Variants in PRH1 observed in about 807,000 individuals in gnomAD.
PRH1 encodes proline rich protein HaeIII subfamily 1, also known as salivary acidic proline-rich phosphoprotein 1/2.
Under a neutral mutation model 7.9 loss-of-function variants are expected in PRH1, and 7 were observed. The ratio of observed to expected loss-of-function variants is 0.89; its 90% CI spans 0.50 to 1.67. The LOEUF is 1.67. PRH1 is among the 40% of genes most tolerant of loss of function. PRH1 has a pLI of 0.00. For synonymous variants in PRH1, 45 were observed against 80.8 expected (o/e 0.56, Z 2.38); for missense variants, 109 against 223.6 (o/e 0.49, Z 3.27).
intron 1 of PRH1, among the ~76,000 whole-genome samples, chr12:11,065,670 T>C (rs576542600): frequency 6.6e-6 from 1 of 152,282 alleles, no homozygotes; most frequent in East Asian, 1.9e-4. Context: ...CATTTTTTAA[T>C]GGAGAAACTA....
intron 1 of PRH1, among the ~76,000 whole-genome samples, chr12:10,985,558 T>C (rs1939569788): frequency 1.3e-5 from 2 of 152,122 alleles, no homozygotes; most frequent in South Asian, 4.1e-4. Flanking sequence ...TGAGATAATG[T>C]GTCACTTCTT....
chr12:10,893,400 T>A (rs558556016), intron 2 of PRH1, among the ~76,000 whole-genome samples: 1 of 152,380 alleles, frequency 6.6e-6, no homozygotes, highest in East Asian at 1.9e-4. Flanking sequence ...CTTGTTGTTT[T>A]TTCTTTTGTC....
At chr12:11,168,208 A>C (rs568918235) in intron 1 of PRH1, among the ~76,000 whole-genome samples, 30 of 32,604 alleles carry the variant, frequency 9.2e-4, no homozygotes, top group African/African-American at 1.4e-3. Flanking sequence ...AACGAAAGAA[A>C]GAAAGAAGAA....
At chr12:11,160,831 A>C (rs1947391397) in intron 1 of PRH1, among the ~76,000 whole-genome samples, 1 of 152,212 alleles carries the variant, frequency 6.6e-6, no homozygotes, top group Admixed American at 6.5e-5. Flanking sequence ...AGACAGGTTT[A>C]AGGGCACTTT....
At chr12:11,013,096 G>GA (rs1411349994) in intron 1 of PRH1, among the ~76,000 whole-genome samples, 1 of 152,044 alleles carries the variant, frequency 6.6e-6, no homozygotes, top group Non-Finnish European at 1.5e-5. Flanking sequence ...TGCAAAAAGT[G>GA]AAAAACCAGT....
rs199578052 is a variant in PRH1 at position 11,030,452 on chromosome 12, C to T, written c.-126+16568G>A. On this transcript the variant is annotated intron_variant, in intron 1 of 3. Transcript: ENST00000539853. The stretch of plus-strand genomic sequence containing the variant: ...TCCTTTCACCCAGTACCTCACTTGC[C>T]GCAAAACTGAAAGAAAAGTCTGCTT... 11 of 1,614,144 alleles carry T rather than the reference C, an allele frequency of 6.8e-6. No individual in the cohort carries two copies. The highest frequency in any genetic ancestry group is 1.6e-4 in the Middle Eastern group (1 of 6,084).
At chr12:11,161,404 A>T (rs1313482027) in intron 1 of PRH1, among the ~76,000 whole-genome samples, 1 of 152,236 alleles carries the variant, frequency 6.6e-6, no homozygotes, top group African/African-American at 2.4e-5. Flanking sequence ...GAAGGAACAG[A>T]TCTTGGAGAC....
In PRH1 at chr12:11,077,167, C is replaced by CAT. The variant is rs1021791303; in HGVS notation, n.124-29981_124-29980dup. The CAT allele has an allele frequency of 3.0e-4, 31 of 102,130 alleles. 9 individuals are homozygous for CAT. Among genetic ancestry groups the CAT allele is most frequent in the Non-Finnish European group, 6.2e-4 (26 of 41,730 alleles). The allele number at this position is 102,130 out of a possible 1,614,324, so 6.3% of individuals were successfully genotyped here. ...TTATACACATGCACACATATACAAC[C>CAT]ATATATATATGTAAGACTTTTATAG... On this transcript the variant is annotated intron_variant and non_coding_transcript_variant, in intron 1 of 4. Coordinates refer to the PRH1 transcript ENST00000541977.
intron 2 of PRH1, among the ~76,000 whole-genome samples, chr12:10,916,384 A>G (rs1353842253): frequency 6.6e-6 from 1 of 152,168 alleles, no homozygotes; most frequent in Non-Finnish European, 1.5e-5. Context: ...GACAAATGGG[A>G]GCTCACAGAC....
upstream of PRH1, among the ~76,000 whole-genome samples, chr12:11,049,463 ATATTCT>A (rs1454504550): frequency 9.9e-6 from 1 of 101,072 alleles, no homozygotes; most frequent in Non-Finnish European, 2.4e-5. Flanking sequence ...GAAATAGAAA[ATATTCT>A]TATTCTCAAA....
At chr12:10,912,525 C>G (rs1433814756) in intron 2 of PRH1, among the ~76,000 whole-genome samples, 1 of 151,808 alleles carries the variant, frequency 6.6e-6, no homozygotes, top group Non-Finnish European at 1.5e-5. Context: ...CTATTCAAGT[C>G]TGTCTTGGTC....
intron 1 of PRH1, chr12:11,061,662 G>A (rs1943609752): frequency 3.7e-6 from 6 of 1,614,114 alleles, no homozygotes; most frequent in Non-Finnish European, 5.1e-6. Flanking sequence ...CTTTGCCATG[G>A]AGCTGCATCT....
intron 2 of PRH1, among the ~76,000 whole-genome samples, chr12:10,903,446 A>C (rs1326703564): frequency 1.3e-5 from 2 of 152,126 alleles, no homozygotes; most frequent in Non-Finnish European, 2.9e-5. Context: ...GATTGGACAG[A>C]TCATTGAGGC....
intron 1 of PRH1, among the ~76,000 whole-genome samples, chr12:11,104,834 T>C (rs1038080855): frequency 3.3e-5 from 5 of 152,062 alleles, no homozygotes; most frequent in Non-Finnish European, 7.4e-5. Context: ...GTTGGGCTAA[T>C]ATATACATTT....
intron 1 of PRH1, among the ~76,000 whole-genome samples, chr12:11,059,585 T>C (rs1943503139): frequency 6.6e-6 from 1 of 152,244 alleles, no homozygotes; most frequent in African/African-American, 2.4e-5. Context: ...AGGTTGTTTA[T>C]ACGCTTTCTA....
At chr12:11,103,771 A>G (rs1000118468) in intron 1 of PRH1, among the ~76,000 whole-genome samples, 1 of 152,224 alleles carries the variant, frequency 6.6e-6, no homozygotes, top group Non-Finnish European at 1.5e-5. Flanking sequence ...GAATTCATAC[A>G]CAAATTTCTA....
At chr12:11,146,039 T>C (rs779728901) in intron 1 of PRH1, among the ~76,000 whole-genome samples, 1 of 152,142 alleles carries the variant, frequency 6.6e-6, no homozygotes, top group Non-Finnish European at 1.5e-5. Context: ...GATACATAGA[T>C]ATAAAGTGTA....
chr12:10,947,620 C>T (rs1396947731), intron 2 of PRH1, among the ~76,000 whole-genome samples: 7 of 151,974 alleles, frequency 4.6e-5, no homozygotes, highest in Non-Finnish European at 8.8e-5. Context: ...TGTCATTTAG[C>T]CCATTTACAT....
chr12:11,011,596 T>A (rs7304579), intron 1 of PRH1, among the ~76,000 whole-genome samples: 46,135 of 151,864 alleles, frequency 0.3, 8,825 homozygotes, highest in East Asian at 0.73. Flanking sequence ...AAAACCCAAC[T>A]CATAATTCCT....
Sources: allele counts gnomAD v4.1 joint callset (sites outside exome capture counted in the v4.1 genomes callset), GRCh38; gene constraint gnomAD v4.1.1; transcripts MANE v1.5; gene names NCBI Gene and HGNC (gene_info 2026-07-23, HGNC 2026-07-21).